Variants in GRIP1 observed in about 807,000 individuals in gnomAD.
GRIP1 encodes glutamate receptor interacting protein 1, also known as glutamate receptor-interacting protein 1.
GRIP1 carries 45 observed loss-of-function variants against 129.9 expected under a neutral mutation model. The ratio of observed to expected loss-of-function variants is 0.35; its 90% confidence interval spans 0.27 to 0.44. The LOEUF is 0.44. GRIP1 is among the 20% of genes least tolerant of loss of function. GRIP1 has a pLI of 1.00. For synonymous variants in GRIP1, 530 were observed against 520.8 expected (o/e 1.02, Z -0.24); for missense variants, 1,196 against 1,396.8 (o/e 0.86, Z 2.29).
chr12:66,706,965 G>A (rs1036193733), intron 1 of GRIP1, among the ~76,000 whole-genome samples: 20 of 138,706 alleles, frequency 1.4e-4, no homozygotes, highest in Non-Finnish European at 3.0e-4. Flanking sequence ...TGCACGTTCT[G>A]CCCATGTATC....
intron 7 of GRIP1, among the ~76,000 whole-genome samples, chr12:66,514,034 C>T (rs1316226719): frequency 6.6e-6 from 1 of 152,172 alleles, no homozygotes; most frequent in Non-Finnish European, 1.5e-5. Flanking sequence ...ATTTAAATCA[C>T]CTGCCAACCC....
intron 2 of GRIP1, among the ~76,000 whole-genome samples, chr12:66,583,305 T>G (rs1359039362): frequency 6.7e-6 from 1 of 150,072 alleles, no homozygotes; most frequent in East Asian, 2.0e-4. Context: ...ATAAAAACCC[T>G]AGAAGAAAAC....
At chr12:66,515,811 G>C (rs1165311191) in intron 6 of GRIP1, 47 bp from the exon 7 acceptor site, 2 of 1,534,562 alleles carry the variant, frequency 1.3e-6, no homozygotes, top group Admixed American at 1.7e-5. Flanking sequence ...AGCATAATGG[G>C]GCTTAGTATT....
chr12:66,541,843 T>G lies in GRIP1; in HGVS notation c.244A>C (p.Asn82His). 2 of 1,614,120 alleles carry G rather than the reference T, an allele frequency of 1.2e-6. No individual in the cohort carries two copies. The highest frequency in any genetic ancestry group is 1.7e-5 in the Admixed American group (1 of 60,014). ...GCAGCAATTCCTCCTTGCCGCAGAT[T>G]AGATACTCTTGGCTTGCCATCCTTA... The part of the protein sequence containing the change: ...IDKDGKPRVS[N>H]LRQGGIAARS... The change falls in exon 3 of 25, where the codon AAT becomes CAT. Residue 82 changes from asparagine to histidine, a missense_variant. Coordinates refer to ENST00000359742, the MANE Select transcript of GRIP1 (RefSeq NM_001366722.1).
intron 16 of GRIP1, among the ~76,000 whole-genome samples, chr12:66,404,114 T>A (rs1170741863): frequency 6.6e-6 from 1 of 152,236 alleles, no homozygotes; most frequent in Non-Finnish European, 1.5e-5. Context: ...GAAGCAGGCT[T>A]GTAAGGAGAG....
In GRIP1 at chr12:66,450,744, T is replaced by C. The variant is rs962855307; in HGVS notation, c.1354+4665A>G. ...GAGCAAAATTTCATTTGAAATTATA[T>C]GTATTGATTAGTTACACATATAAAA... On this transcript the variant is annotated intron_variant, in intron 11 of 24. Transcript: ENST00000359742. 4.2e-4 allele frequency among the ~76,000 whole-genome samples: 64 copies of C among 152,176 alleles called. 2 individuals are homozygous for C. Among genetic ancestry groups the C allele is most frequent in the Non-Finnish European group, 4.4e-5 (3 of 68,028 alleles).
chr12:66,500,034 G>A (rs1357292395), intron 7 of GRIP1, among the ~76,000 whole-genome samples: 1 of 151,878 alleles, frequency 6.6e-6, no homozygotes, highest in East Asian at 1.9e-4. Flanking sequence ...CAAGAAACAG[G>A]AACAATTTTG....
chr12:66,803,110 T>A (rs1318384856), intron 1 of GRIP1, among the ~76,000 whole-genome samples: 1 of 152,260 alleles, frequency 6.6e-6, no homozygotes, highest in African/African-American at 2.4e-5. Context: ...TTAAATTATT[T>A]ATTAGTTAAT....
intron 2 of GRIP1, among the ~76,000 whole-genome samples, chr12:66,553,790 G>C (rs2062224351): frequency 6.6e-6 from 1 of 151,878 alleles, no homozygotes; most frequent in South Asian, 2.1e-4. Flanking sequence ...ATTGGAACTT[G>C]GTGCTTTCCT....
chr12:66,861,159 T>C (rs571073107), intron 1 of GRIP1, among the ~76,000 whole-genome samples: 1 of 152,224 alleles, frequency 6.6e-6, no homozygotes, highest in South Asian at 2.1e-4. Context: ...TAATGATACA[T>C]AATAATATTC....
Position 66,438,583 on chromosome 12 carries a change from C to A in GRIP1, c.1688-5955G>T, listed in dbSNP as rs528764164. On this transcript the variant is annotated intron_variant, in intron 13 of 24. Coordinates refer to ENST00000359742, the MANE Select transcript of GRIP1 (RefSeq NM_001366722.1). ...TGTTCTTGGCTCACTGCAACCTCCA[C>A]CTCCCGGGTTCAAGTGATTCTCCTG... 5.9e-5 allele frequency among the ~76,000 whole-genome samples: 9 copies of A among 151,830 alleles called. No individual in the cohort carries two copies. In the South Asian group the frequency reaches 1.9e-3, roughly 32 times the overall value.
chr12:66,752,299 A>C lies in GRIP1; in HGVS notation c.-420+51754T>G, dbSNP rs541489876. On this transcript the variant is annotated intron_variant, in intron 1 of 4. Coordinates refer to the GRIP1 transcript ENST00000538373. Reference sequence around the variant, plus strand: ...TTATCAAATACCTACATAGTCCTCCAGCTGTGAGTTTCATTAACCTTCTGT... The same window carrying C: ...TTATCAAATACCTACATAGTCCTCCCGCTGTGAGTTTCATTAACCTTCTGT... 2.0e-5 allele frequency among the ~76,000 whole-genome samples: 3 copies of C among 152,306 alleles called. No individual in the cohort carries two copies. The East Asian group carries it at 5.8e-4, about 29-fold the overall frequency.
intron 1 of GRIP1, among the ~76,000 whole-genome samples, chr12:66,986,362 T>C (rs1190220593): frequency 6.6e-6 from 1 of 151,976 alleles, no homozygotes; most frequent in South Asian, 2.1e-4. Context: ...CATGCTGCTA[T>C]AAAGACACAT....
At chr12:66,676,002 C>T (rs1333317633) in intron 1 of GRIP1, among the ~76,000 whole-genome samples, 1 of 152,164 alleles carries the variant, frequency 6.6e-6, no homozygotes, top group South Asian at 2.1e-4. Context: ...ATATATTCTA[C>T]TATAATACTG....
chr12:66,524,842 G>A (rs2061163947), intron 5 of GRIP1, among the ~76,000 whole-genome samples: 1 of 152,142 alleles, frequency 6.6e-6, no homozygotes, highest in Non-Finnish European at 1.5e-5. Flanking sequence ...AAATGATAAA[G>A]GGGATATCAC....
intron 23 of GRIP1, among the ~76,000 whole-genome samples, chr12:66,359,662 T>C (rs7299856): frequency 0.027 from 4,096 of 152,326 alleles, 195 homozygotes; most frequent in African/African-American, 0.09. Flanking sequence ...TCTCCAGAGA[T>C]ATCTCCCAAG....
intron 1 of GRIP1, among the ~76,000 whole-genome samples, chr12:66,851,318 T>C (rs761828673): frequency 6.6e-6 from 1 of 151,948 alleles, no homozygotes; most frequent in Non-Finnish European, 1.5e-5. Context: ...AGCACGAACA[T>C]TGGTAAGTAC....
At chr12:66,455,615 C>G in intron 10 of GRIP1, 51 bp from the exon 11 acceptor site, 1 of 1,553,962 alleles carries the variant, frequency 6.4e-7, no homozygotes. Context: ...GAGGTGTGAG[C>G]CCGCCACACT....
chr12:66,355,231 T>C (rs764947382), intron 23 of GRIP1, among the ~76,000 whole-genome samples: 14 of 152,146 alleles, frequency 9.2e-5, no homozygotes, highest in Non-Finnish European at 1.8e-4. Context: ...TGTGTGTGTG[T>C]GTGTGCACAC....
Sources: allele counts gnomAD v4.1 joint callset (sites outside exome capture counted in the v4.1 genomes callset), GRCh38; gene constraint gnomAD v4.1.1; transcripts MANE v1.5; gene names NCBI Gene and HGNC (gene_info 2026-07-23, HGNC 2026-07-21).